Variants in DPP10 observed in about 807,000 individuals in gnomAD.
The protein encoded by DPP10 is dipeptidyl peptidase like 10.
Under a neutral mutation model 120.9 loss-of-function variants are expected in DPP10, and 33 were observed. The ratio of observed to expected loss-of-function variants is 0.27; its 90% CI spans 0.21 to 0.37. The LOEUF (loss-of-function observed/expected upper bound fraction) is 0.37. DPP10 is among the 10% of genes least tolerant of loss of function. The pLI, the probability that DPP10 is intolerant of heterozygous loss-of-function variation, is 1.00. For missense variants in DPP10, 816 were observed against 942.8 expected (o/e 0.87, Z 1.76); for synonymous variants, 337 against 326.1 (o/e 1.03, Z -0.36).
chr2:114,475,220 A>G (rs1324257347), intron 1 of DPP10, among the ~76,000 whole-genome samples: 2 of 152,176 alleles, frequency 1.3e-5, no homozygotes, highest in African/African-American at 2.4e-5. Flanking sequence ...AACACTTACC[A>G]TGATATCCTT....
chr2:115,311,956 G>A (rs1388009402), intron 2 of DPP10, among the ~76,000 whole-genome samples: 1 of 151,872 alleles, frequency 6.6e-6, no homozygotes, highest in African/African-American at 2.4e-5. Context: ...GGGTCTCTCT[G>A]TGTTGTCCAG....
intron 1 of DPP10, among the ~76,000 whole-genome samples, chr2:114,641,652 C>T (rs1399843150): frequency 2.0e-5 from 3 of 151,870 alleles, no homozygotes; most frequent in African/African-American, 7.3e-5. Context: ...TATAAGTATT[C>T]TCTAATGAGG....
intron 3 of DPP10, among the ~76,000 whole-genome samples, chr2:115,426,855 A>G (rs538990008): frequency 9.2e-5 from 14 of 152,344 alleles, no homozygotes; most frequent in Non-Finnish European, 1.6e-4. Flanking sequence ...AGTTAATTCA[A>G]AAGTCCAAAG....
intron 1 of DPP10, among the ~76,000 whole-genome samples, chr2:115,133,964 C>G (rs2050516564): frequency 6.6e-6 from 1 of 152,102 alleles, no homozygotes; most frequent in Non-Finnish European, 1.5e-5. Context: ...ATTGCTTTGT[C>G]CCCACGTTAA....
At chr2:115,554,471 T>TG (rs2080083412) in intron 5 of DPP10, among the ~76,000 whole-genome samples, 1 of 152,168 alleles carries the variant, frequency 6.6e-6, no homozygotes, top group African/African-American at 2.4e-5. Context: ...CCTACTGATT[T>TG]GGGGTAGATG....
chr2:114,754,356 T>C (rs776716266), intron 1 of DPP10, among the ~76,000 whole-genome samples: 2 of 152,222 alleles, frequency 1.3e-5, no homozygotes, highest in Non-Finnish European at 2.9e-5. Flanking sequence ...TAGTCTTTTA[T>C]ATCATTGCCC....
chr2:114,881,668 G>C (rs200973841), intron 1 of DPP10, among the ~76,000 whole-genome samples: 2 of 150,742 alleles, frequency 1.3e-5, no homozygotes, highest in East Asian at 3.9e-4. Flanking sequence ...AACAGGTTTA[G>C]TTAGTGAAAT....
chr2:114,684,274 C>T (rs894543131), intron 1 of DPP10, among the ~76,000 whole-genome samples: 12 of 151,914 alleles, frequency 7.9e-5, no homozygotes, highest in East Asian at 1.9e-4. Flanking sequence ...TTTTACCTCC[C>T]GGCCACTCTA....
chr2:114,597,562 A>G (rs1692017524), intron 1 of DPP10, among the ~76,000 whole-genome samples: 1 of 152,130 alleles, frequency 6.6e-6, no homozygotes, highest in South Asian at 2.1e-4. Flanking sequence ...GCTATATTTT[A>G]AAATGGTAAA....
At chr2:115,377,870 T>C (rs375780582) in intron 3 of DPP10, among the ~76,000 whole-genome samples, 2 of 152,146 alleles carry the variant, frequency 1.3e-5, no homozygotes, top group Admixed American at 1.3e-4. Flanking sequence ...TGCAGATATG[T>C]GGCATTATTT....
chr2:114,489,202 T>C (rs1389760239), intron 1 of DPP10, among the ~76,000 whole-genome samples: 1 of 152,228 alleles, frequency 6.6e-6, no homozygotes, highest in South Asian at 2.1e-4. Flanking sequence ...CTTTTTCCCC[T>C]GCACTGTTAT....
chr2:114,513,291 G>A (rs1486674217), intron 1 of DPP10, among the ~76,000 whole-genome samples: 4 of 152,042 alleles, frequency 2.6e-5, no homozygotes, highest in Non-Finnish European at 5.9e-5. Flanking sequence ...GGGAGGCCGA[G>A]GCAGGTGGAT....
intron 1 of DPP10, among the ~76,000 whole-genome samples, chr2:114,808,068 G>T (rs530823411): frequency 1.3e-5 from 2 of 152,116 alleles, no homozygotes; most frequent in Non-Finnish European, 2.9e-5. Context: ...TTTCAGCAGC[G>T]CTGGACAGAA....
intron 3 of DPP10, among the ~76,000 whole-genome samples, chr2:115,430,463 T>C (rs1278281037): frequency 6.6e-6 from 1 of 152,164 alleles, no homozygotes; most frequent in Non-Finnish European, 1.5e-5. Context: ...AAACAGTGGA[T>C]AATAGTAACA....
intron 1 of DPP10, among the ~76,000 whole-genome samples, chr2:114,505,207 A>G (rs1016134391): frequency 6.6e-6 from 1 of 150,462 alleles, no homozygotes; most frequent in African/African-American, 2.5e-5. Context: ...CAAAACAGAT[A>G]GCTTATATAC....
At position 114,638,759 on chromosome 2, in the gene DPP10, G is replaced by A. The variant is rs529549068; in HGVS notation, c.60+195921G>A. Among the ~76,000 whole-genome samples, 24 of 151,826 alleles carry A rather than the reference G, an allele frequency of 1.6e-4. 1 individual carries two copies. The highest frequency in any genetic ancestry group is 4.4e-4 in the African/African-American group (18 of 41,186). On this transcript the variant is annotated intron_variant, in intron 1 of 25. Transcript: ENST00000410059. ...CTCAAAGAACTTAAAACAGAAGTACGGTTAGACCCAGAAATCCAATTACTG... is the reference window on the plus strand; with the variant it reads ...CTCAAAGAACTTAAAACAGAAGTACAGTTAGACCCAGAAATCCAATTACTG...
chr2:114,562,986 C>A (rs998181576), intron 1 of DPP10, among the ~76,000 whole-genome samples: 2 of 152,136 alleles, frequency 1.3e-5, no homozygotes, highest in African/African-American at 4.8e-5. Context: ...CAGAAATATG[C>A]AATAACATCT....
intron 8 of DPP10, among the ~76,000 whole-genome samples, chr2:115,728,865 C>G (rs562137357): frequency 6.6e-6 from 1 of 152,194 alleles, no homozygotes; most frequent in African/African-American, 2.4e-5. Flanking sequence ...AAGTACTGCT[C>G]TAATAAACCG....
chr2:115,453,475 A>G (rs1465215414), intron 3 of DPP10, among the ~76,000 whole-genome samples: 1 of 151,608 alleles, frequency 6.6e-6, no homozygotes, highest in Non-Finnish European at 1.5e-5. Flanking sequence ...GCAAAAATAG[A>G]ATTAAATTAG....
Sources: allele counts gnomAD v4.1 joint callset (sites outside exome capture counted in the v4.1 genomes callset), GRCh38; gene constraint gnomAD v4.1.1; transcripts MANE v1.5; gene names NCBI Gene and HGNC (gene_info 2026-07-23, HGNC 2026-07-21).